The following TDP1 variants were observed in gnomAD, a reference collection of about 807,000 sequenced individuals.
TDP1 encodes the protein tyrosyl-DNA phosphodiesterase 1.
A neutral mutation model predicts 81.5 loss-of-function variants in TDP1; 64 were observed. The ratio of observed to expected loss-of-function variants is 0.79; its 90% CI spans 0.64 to 0.97. TDP1 has a LOEUF of 0.97. Among genes scored for constraint, TDP1 ranks in the 50% least tolerant of loss-of-function variants. The pLI is 0.00. For synonymous variants in TDP1, 256 were observed against 264.3 expected (o/e 0.97, Z 0.30); for missense variants, 723 against 743.8 (o/e 0.97, Z 0.33).
At chr14:89,988,543 G>A in intron 10 of TDP1, 1 of 957,020 alleles carries the variant, frequency 1.0e-6, no homozygotes, top group South Asian at 4.8e-5. Context: ...TAGCATCAAA[G>A]CTGCATTAAA....
At chr14:89,998,412 ATATATATATATGTATG>A (rs1474422786) in intron 14 of TDP1, among the ~76,000 whole-genome samples, 1 of 95,874 alleles carries the variant, frequency 1.0e-5, no homozygotes, top group African/African-American at 5.6e-5. Context: ...ATATATATAT[ATATATATATATGTATG>A]TATGTATGTA....
At chr14:90,027,427 A>G (rs1272961295) in intron 15 of TDP1, among the ~76,000 whole-genome samples, 1 of 151,820 alleles carries the variant, frequency 6.6e-6, no homozygotes, top group Admixed American at 6.6e-5. Context: ...TTTGTGTGAC[A>G]TCAAGGTCCA....
chr14:89,983,147 G>T (rs78193399), intron 8 of TDP1: 1 of 455,858 alleles, frequency 2.2e-6, no homozygotes, highest in Non-Finnish European at 4.4e-6. Context: ...GATCCAGGAG[G>T]AGCCTCACTC....
intron 7 of TDP1, among the ~76,000 whole-genome samples, chr14:89,979,399 T>C (rs957826947): frequency 4.0e-5 from 6 of 151,686 alleles, no homozygotes; most frequent in African/African-American, 1.5e-4. Flanking sequence ...AACCTCCGCC[T>C]CCCAGCTTCA....
At chr14:90,013,239 A>T (rs1259275075) in intron 14 of TDP1, among the ~76,000 whole-genome samples, 1 of 152,166 alleles carries the variant, frequency 6.6e-6, no homozygotes, top group African/African-American at 2.4e-5. Flanking sequence ...GAAATGTGAG[A>T]ACATGAGATT....
intron 6 of TDP1, among the ~76,000 whole-genome samples, chr14:89,971,810 A>G (rs1283345979): frequency 6.6e-6 from 1 of 152,120 alleles, no homozygotes; most frequent in African/African-American, 2.4e-5. Context: ...TTTTGTGAGT[A>G]TCCTGTGAGT....
chr14:89,998,416 A>ATGTATGTATGTATG (rs1241564954), intron 14 of TDP1, among the ~76,000 whole-genome samples: 6 of 85,778 alleles, frequency 7.0e-5, no homozygotes, highest in African/African-American at 3.6e-4. Flanking sequence ...ATATATATAT[A>ATGTATGTATGTATG]TATATATGTA....
At chr14:90,017,464 C>T (rs527746572) in intron 14 of TDP1, among the ~76,000 whole-genome samples, 7 of 152,082 alleles carry the variant, frequency 4.6e-5, no homozygotes, top group Non-Finnish European at 1.0e-4. Context: ...CTGTTACAAG[C>T]CAAATAAAAG....
At chr14:89,989,393 A>G in intron 11 of TDP1, 2 of 985,198 alleles carry the variant, frequency 2.0e-6, no homozygotes, top group Non-Finnish European at 2.4e-6. Flanking sequence ...GGTAGAAAAT[A>G]TTTGATGTAG....
intron 14 of TDP1, among the ~76,000 whole-genome samples, chr14:90,002,352 G>T (rs888340417): frequency 2.0e-5 from 3 of 152,236 alleles, no homozygotes; most frequent in Non-Finnish European, 4.4e-5. Flanking sequence ...TTTGGAAAAC[G>T]CATTTATACC....
At chr14:89,982,590 G>T (rs536973070) in intron 8 of TDP1, among the ~76,000 whole-genome samples, 1 of 152,308 alleles carries the variant, frequency 6.6e-6, no homozygotes, top group South Asian at 2.1e-4. Flanking sequence ...ACTGTCTTGG[G>T]ATTCTCTGGG....
At chr14:89,971,835 G>C (rs1302837820) in intron 6 of TDP1, among the ~76,000 whole-genome samples, 1 of 152,078 alleles carries the variant, frequency 6.6e-6, no homozygotes, top group East Asian at 1.9e-4. Flanking sequence ...CTTAAAACTT[G>C]TAGTTTTTTG....
rs73328416 is a variant in TDP1 at position 90,004,282 on chromosome 14, T to C, written c.1541+10799T>C. On this transcript the variant is annotated intron_variant, in intron 14 of 16. Coordinates refer to ENST00000335725, the MANE Select transcript of TDP1 (RefSeq NM_018319.4). ...TGACTTAGTGCCTCTAGACCCTTTG[T>C]ACACTGGCATTGCTAGTCACTAAGT... Among the ~76,000 whole-genome samples, 585 of 152,312 alleles carry C rather than the reference T, an allele frequency of 3.8e-3. 2 individuals carry two copies. Among genetic ancestry groups the C allele is most frequent in the African/African-American group, 0.014 (565 of 41,576 alleles).
chr14:89,983,347 GC>G (rs1895205300), intron 8 of TDP1: 3 of 274,238 alleles, frequency 1.1e-5, no homozygotes, highest in Non-Finnish European at 1.4e-5. Flanking sequence ...TACCTCCTGT[GC>G]TAAGTGTCTC....
chr14:89,989,519 A>G (rs1018876499), intron 11 of TDP1, 198 bp from the exon 12 acceptor site: 7 of 785,976 alleles, frequency 8.9e-6, no homozygotes, highest in Non-Finnish European at 9.3e-6. Context: ...ATTGAAGTAT[A>G]ATTTTACATC....
chr14:90,033,204 T>C lies in TDP1; in HGVS notation c.1743T>C (p.Tyr581=). 1 of 1,597,914 alleles carries C rather than the reference T, an allele frequency of 6.3e-7. No individual in the cohort carries two copies. Among genetic ancestry groups the C allele is most frequent in the Non-Finnish European group, 8.6e-7 (1 of 1,165,406 alleles). Residue 581 remains tyrosine, a synonymous_variant, in exon 16 of 17, where the codon TAT becomes TAC. Coordinates refer to ENST00000335725, the MANE Select transcript of TDP1 (RefSeq NM_018319.4). ...CATATGATTTGCCTCCAGAACTGTA[T>C]GGAAGTAAAGGTGAGACACAGATAA... ...PVPYDLPPEL[Y]GSKDRPWIWN...
Position 90,019,366 on chromosome 14 carries a change from A to C in TDP1, c.1592A>C (p.Gln531Pro), listed in dbSNP as rs1027268651. Residue 531 changes from glutamine to proline, a missense_variant, in exon 15 of 17, where the codon CAG becomes CCG. Coordinates refer to ENST00000335725, the MANE Select transcript of TDP1 (RefSeq NM_018319.4). ...GGAGCATTGGAGAAGAATGGCACCC[A>C]GCTGATGATCCGCTCCTACGAGCTC... ...AWGALEKNGT[Q>P]LMIRSYELGV... is the part of the protein sequence containing the mutation. 1 of 1,613,572 alleles carries C rather than the reference A, an allele frequency of 6.2e-7. No individual in the cohort carries two copies. Among genetic ancestry groups the C allele is most frequent in the African/African-American group, 1.3e-5 (1 of 75,044 alleles).
intron 15 of TDP1, among the ~76,000 whole-genome samples, chr14:90,025,716 A>G (rs939232412): frequency 6.6e-6 from 1 of 152,244 alleles, no homozygotes; most frequent in African/African-American, 2.4e-5. Flanking sequence ...TACGGTTCAG[A>G]AAGTCTCAAT....
intron 2 of TDP1, among the ~76,000 whole-genome samples, chr14:89,960,144 C>G (rs1566838412): frequency 6.6e-6 from 1 of 152,116 alleles, no homozygotes; most frequent in Non-Finnish European, 1.5e-5. Flanking sequence ...TTCTTTTGTT[C>G]CTAGATAACT....
Sources: gnomAD v4.1 joint callset for allele counts (sites outside exome capture counted in the v4.1 genomes callset) on GRCh38, gnomAD v4.1.1 for gene constraint, MANE v1.5 for transcripts, NCBI Gene and HGNC (gene_info 2026-07-23, HGNC 2026-07-21) for gene names.